The following TMEM161B variants were observed in gnomAD, a reference collection of about 807,000 sequenced individuals.
The protein encoded by TMEM161B is transmembrane protein 161B.
In TMEM161B, 34 loss-of-function variants were observed where a neutral mutation model predicts 61.8. The observed-to-expected ratio is 0.55, with a 90% CI of 0.42 to 0.73. The LOEUF is 0.73. TMEM161B is among the 30% of genes least tolerant of loss of function. The probability of loss-of-function intolerance (pLI) is 0.00; values close to 1 mark genes in which losing one functional copy is unlikely to be tolerated. For missense variants in TMEM161B, 456 were observed against 558.5 expected (o/e 0.82, Z 1.85); for synonymous variants, 167 against 192.8 (o/e 0.87, Z 1.11).
Position 88,206,480 on chromosome 5 carries a change from G to A in TMEM161B, c.618C>T (p.Asp206=), listed in dbSNP as rs780290848. The change falls in exon 7 of 12, where the codon GAC becomes GAT. Residue 206 remains aspartate (D), a synonymous_variant. Coordinates refer to ENST00000296595, the MANE Select transcript of TMEM161B (RefSeq NM_153354.5). ...GCTTTTCAAGAAACTGCATCGCACT[G>A]TCTGAAAAATTTGTAAACCCTGTGG... The part of the protein sequence containing the change: ...GLETGFTNFS[D]SAMQFLEKQG... 4 of 1,590,368 alleles carry A rather than the reference G, an allele frequency of 2.5e-6. No individual in the cohort carries two copies. In the Admixed American group the frequency reaches 5.2e-5, roughly 21 times the overall value.
intron 9 of TMEM161B, chr5:88,202,002 A>C (rs1744499127): frequency 2.7e-6 from 1 of 376,670 alleles, no homozygotes. Flanking sequence ...TTTAATTCTG[A>C]TGAGGCAAAG....
chr5:88,237,085 TTA>T (rs1332694995), intron 2 of TMEM161B, among the ~76,000 whole-genome samples: 1 of 152,176 alleles, frequency 6.6e-6, no homozygotes, highest in Non-Finnish European at 1.5e-5. Flanking sequence ...TCTGTTTCAT[TTA>T]TCAGTGTGTG....
chr5:88,206,508 G>GAAAA lies in TMEM161B; in HGVS notation c.599-13_599-10dup. On this transcript the variant is annotated splice_polypyrimidine_tract_variant and intron_variant, in intron 6 of 11. Transcript: ENST00000296595. ...TGAAAAATTTGTAAACCCTGTGGGGGAAAAAAAAAAAAACAACAGATTACT... is the reference window on the plus strand; with the variant it reads ...TGAAAAATTTGTAAACCCTGTGGGGGAAAAAAAAAAAAAAAAACAACAGATTACT... 4.6e-6 allele frequency: 6 copies of GAAAA among 1,307,774 alleles called. No individual in the cohort carries two copies. Among genetic ancestry groups the GAAAA allele is most frequent in the Admixed American group, 2.3e-5 (1 of 43,028 alleles). 81.0% of individuals were successfully genotyped at this position (1,307,774 alleles called of 1,614,324 possible).
intron 5 of TMEM161B, among the ~76,000 whole-genome samples, chr5:88,211,073 C>T (rs1182319136): frequency 6.6e-6 from 1 of 152,000 alleles, no homozygotes; most frequent in African/African-American, 2.4e-5. Flanking sequence ...AACCCAGATA[C>T]TGCAAGCCAT....
chr5:88,268,809 G>A lies in TMEM161B; in HGVS notation c.-86C>T. The A allele has an allele frequency of 1.2e-6, 2 of 1,606,346 alleles. No individual in the cohort carries two copies. The highest frequency in any genetic ancestry group is 1.7e-5 in the Admixed American group (1 of 59,254). On this transcript the variant is annotated 5_prime_UTR_variant, in exon 1 of 12. Transcript: ENST00000296595. ...TTACCTCCCGGTCCTTGAGCCGAGAGACTCTCAAACAGCGAAAGAGAGGGT... is the reference window on the plus strand; with the variant it reads ...TTACCTCCCGGTCCTTGAGCCGAGAAACTCTCAAACAGCGAAAGAGAGGGT...
At position 88,225,158 on chromosome 5, in the gene TMEM161B, G is replaced by A. The variant is rs546155186; in HGVS notation, c.289+611C>T. On this transcript the variant is annotated intron_variant, in intron 4 of 11. Transcript: ENST00000296595. ...AATTTTTTGTATTTTTAGTAGAGAC[G>A]GGGTTTCACCACATTAGCCAGGATG... Among the ~76,000 whole-genome samples the A allele has an allele frequency of 7.2e-5, 11 of 151,746 alleles. No individual in the cohort carries two copies. In the South Asian group the frequency reaches 1.9e-3, roughly 26 times the overall value.
downstream of TMEM161B, among the ~76,000 whole-genome samples, chr5:88,189,300 T>C (rs1236549516): frequency 6.6e-6 from 1 of 152,170 alleles, no homozygotes; most frequent in Admixed American, 6.5e-5. Flanking sequence ...AAAAATGAGT[T>C]CCACAGTGAA....
chr5:88,190,035 A>G (rs1455471290), exon 13 of TMEM161B: 1 of 700,390 alleles, frequency 1.4e-6, no homozygotes, highest in Admixed American at 2.0e-5. Context: ...GGGCAGTCCA[A>G]ATCTAGGAAT....
intron 5 of TMEM161B, among the ~76,000 whole-genome samples, chr5:88,214,352 T>C (rs903488647): frequency 3.3e-5 from 5 of 152,144 alleles, no homozygotes; most frequent in African/African-American, 4.8e-5. Flanking sequence ...CTGAGAAGCT[T>C]TATCACTCTT....
chr5:88,258,593 C>A (rs1227868368), intron 1 of TMEM161B, among the ~76,000 whole-genome samples: 1 of 152,012 alleles, frequency 6.6e-6, no homozygotes, highest in Admixed American at 6.6e-5. Context: ...TCCCCATAAA[C>A]CATAAGAATT....
Position 88,228,427 on chromosome 5 carries a change from A to G in TMEM161B, c.191+18T>C. 6.5e-7 allele frequency: 1 copy of G among 1,532,880 alleles called. No individual in the cohort carries two copies. Among genetic ancestry groups the G allele is most frequent in the Non-Finnish European group, 8.9e-7 (1 of 1,117,546 alleles). The allele number at this position is 1,532,880 out of a possible 1,614,324, so 95.0% of individuals were successfully genotyped here. A position where few individuals can be genotyped will look rare whatever the true frequency, so the allele number is the denominator to read the frequency against. On this transcript the variant is annotated intron_variant, in intron 3 of 11. Transcript: ENST00000296595. The stretch of plus-strand genomic sequence containing the variant: ...TTGTGTTAAATATTTATTACTTTAC[A>G]AGCTCAATAAAACTTACCTATCTTT...
chr5:88,193,496 C>G (rs1404473734), downstream of TMEM161B, among the ~76,000 whole-genome samples: 1 of 151,920 alleles, frequency 6.6e-6, no homozygotes, highest in Non-Finnish European at 1.5e-5. Flanking sequence ...CATAAATAAA[C>G]CAATTAGTTC....
chr5:88,200,772 T>A (rs1744240204), intron 9 of TMEM161B: 1 of 152,128 alleles, frequency 6.6e-6, no homozygotes. Context: ...TGAGCTTTCC[T>A]GTATATGCTG....
At chr5:88,222,235 AT>A (rs1457139200) in intron 4 of TMEM161B, among the ~76,000 whole-genome samples, 2 of 151,962 alleles carry the variant, frequency 1.3e-5, no homozygotes, top group African/African-American at 4.8e-5. Context: ...CACTCGGGTA[AT>A]TTTTTAATTT....
At chr5:88,259,975 G>C (rs1386090110) in intron 1 of TMEM161B, among the ~76,000 whole-genome samples, 1 of 152,106 alleles carries the variant, frequency 6.6e-6, no homozygotes, top group Admixed American at 6.5e-5. Context: ...GTCATCTCTA[G>C]CTGTGTGATT....
chr5:88,213,325 A>C (rs978938599), intron 5 of TMEM161B, among the ~76,000 whole-genome samples: 37 of 152,252 alleles, frequency 2.4e-4, no homozygotes, highest in Admixed American at 2.0e-3. Context: ...TTTTTTAACA[A>C]AAATAATTTT....
At chr5:88,193,128 T>C (rs535142988), downstream of TMEM161B, among the ~76,000 whole-genome samples, 10 of 152,230 alleles carry the variant, frequency 6.6e-5, no homozygotes, top group South Asian at 1.9e-3. Flanking sequence ...AAAATGCACA[T>C]GGATATTAAG....
chr5:88,195,456 AG>A lies in TMEM161B; in HGVS notation c.*754del. The A allele has an allele frequency of 1.0e-6, 1 of 974,588 alleles. No individual in the cohort carries two copies. The highest frequency in any genetic ancestry group is 1.2e-6 in the Non-Finnish European group (1 of 820,464). The allele number at this position is 974,588 out of a possible 1,614,324, so 60.4% of individuals were successfully genotyped here. On this transcript the variant is annotated 3_prime_UTR_variant, in exon 12 of 12. Transcript: ENST00000296595. ...TCTGATCAGTATTGATAAATATTTT[AG>A]CCTATTAAAAGGAACTAGTTAGGAT...
At chr5:88,259,604 C>A (rs896249626) in intron 1 of TMEM161B, among the ~76,000 whole-genome samples, 3 of 152,180 alleles carry the variant, frequency 2.0e-5, no homozygotes, top group African/African-American at 7.2e-5. Flanking sequence ...TGGTGTAAAG[C>A]AGTGCCTTCA....
Sources: allele counts gnomAD v4.1 joint callset (sites outside exome capture counted in the v4.1 genomes callset), GRCh38; gene constraint gnomAD v4.1.1; transcripts MANE v1.5; gene names NCBI Gene and HGNC (gene_info 2026-07-23, HGNC 2026-07-21).